Variants in CDH4 observed in about 807,000 individuals in gnomAD.
CDH4 encodes the protein cadherin-4.
In CDH4, 33 loss-of-function variants were observed where a neutral mutation model predicts 86.0. That is an observed-to-expected ratio of 0.38 (90% CI 0.29 to 0.51). The LOEUF is 0.51. CDH4 is among the 20% of genes least tolerant of loss of function. The probability of loss-of-function intolerance (pLI) is 0.86; values close to 1 mark genes in which losing one functional copy is unlikely to be tolerated. For synonymous variants in CDH4, 555 were observed against 549.4 expected, an observed-to-expected ratio of 1.01 and a Z score of -0.14; for missense variants, 1,114 against 1,307.4, an observed-to-expected ratio of 0.85 and a Z score of 2.28.
chr20:61,852,955 A>C, intron 6 of CDH4, 57 bp downstream of exon 6: 1 of 1,561,356 alleles, frequency 6.4e-7, no homozygotes. Flanking sequence ...GGTGCAGCAC[A>C]GGCCCTGAGG....
intron 6 of CDH4, among the ~76,000 whole-genome samples, chr20:61,859,550 A>AT (rs1983223648): frequency 6.6e-6 from 1 of 152,170 alleles, no homozygotes; most frequent in Admixed American, 6.5e-5. Flanking sequence ...TCCATGATTC[A>AT]TTTTGAGTTA....
At position 61,252,613 on chromosome 20, in the gene CDH4, C is replaced by A; in HGVS notation, c.57+43C>A. ...GCCCCCGCCGTTCGGAAGCCCCGGG[C>A]AGCGGGAGGTCGTCCCCGGATCCCG... On this transcript the variant is annotated intron_variant, in intron 1 of 15. Coordinates refer to ENST00000614565, the MANE Select transcript of CDH4 (RefSeq NM_001794.5). This position sits in a 1 kb window ranked among gnomAD's most constrained non-coding sequence, Gnocchi z 4.4. 8.6e-7 allele frequency: 1 copy of A among 1,161,270 alleles called. No homozygotes were observed. The allele number at this position is 1,161,270 out of a possible 1,614,324, so 71.9% of individuals were successfully genotyped here.
At chr20:61,395,592 C>A (rs570499687) in intron 2 of CDH4, among the ~76,000 whole-genome samples, 13 of 152,074 alleles carry the variant, frequency 8.5e-5, no homozygotes, top group Admixed American at 3.9e-4. Flanking sequence ...CCAGCCTGGG[C>A]AACATGGTGA....
In CDH4 at chr20:61,751,688, A is replaced by G. The variant is rs1356630551; in HGVS notation, c.396+7899A>G. 2.6e-5 allele frequency among the ~76,000 whole-genome samples: 4 copies of G among 152,354 alleles called. No homozygotes were observed. The East Asian group carries it at 7.7e-4, about 29-fold the overall frequency. ...TTAAATGGTTCCATTTTAAAGGGTT[A>G]TGTAAGTACCTATACGATGTCCTCA... On this transcript the variant is annotated intron_variant, in intron 3 of 15. Coordinates refer to ENST00000614565, the MANE Select transcript of CDH4 (RefSeq NM_001794.5).
At chr20:61,887,920 A>G (rs1473242128) in intron 7 of CDH4, among the ~76,000 whole-genome samples, 3 of 152,196 alleles carry the variant, frequency 2.0e-5, no homozygotes, top group African/African-American at 7.2e-5. Context: ...GGGCCGGTGC[A>G]GGCAGGCAGT....
intron 2 of CDH4, among the ~76,000 whole-genome samples, chr20:61,426,821 T>C (rs1013989323): frequency 2.0e-5 from 3 of 152,224 alleles, no homozygotes; most frequent in Admixed American, 1.3e-4. Context: ...GTAGGGTATA[T>C]GCAGAAGTGT....
rs182270148 is a variant in CDH4, at chr20:61,531,755, G to A, written c.170-211808G>A. Among the ~76,000 whole-genome samples the A allele has an allele frequency of 1.4e-3, 212 of 152,332 alleles. 1 individual carries two copies. The highest frequency in any genetic ancestry group is 2.6e-3 in the Non-Finnish European group (179 of 68,040). On this transcript the variant is annotated intron_variant, in intron 2 of 15. Transcript: ENST00000614565. The stretch of plus-strand genomic sequence containing the variant: ...CACGGATTGGCTTTGAGATGAGGCC[G>A]GGATGAGTCATCAGCCTGACGCACA...
intron 4 of CDH4, among the ~76,000 whole-genome samples, chr20:61,814,934 G>A (rs755887058): frequency 5.9e-5 from 9 of 152,106 alleles, no homozygotes; most frequent in Admixed American, 2.0e-4. Context: ...TCCGCTCCCC[G>A]GCTCTGCAAA....
At chr20:61,325,123 A>G (rs567392660) in intron 2 of CDH4, among the ~76,000 whole-genome samples, 1 of 152,170 alleles carries the variant, frequency 6.6e-6, no homozygotes, top group East Asian at 1.9e-4. Flanking sequence ...GGAACACATC[A>G]TGTACATCTC....
chr20:61,484,619 G>A (rs923564951), intron 2 of CDH4, among the ~76,000 whole-genome samples: 8 of 152,230 alleles, frequency 5.3e-5, no homozygotes, highest in Admixed American at 1.3e-4. Context: ...CGTGGACCAC[G>A]TTTGGGTGGC....
chr20:61,849,942 C>T (rs1982637868), intron 5 of CDH4, among the ~76,000 whole-genome samples: 1 of 152,182 alleles, frequency 6.6e-6, no homozygotes, highest in Admixed American at 6.5e-5. Context: ...TTTTTCCTAC[C>T]TCCCCAGTGT....
intron 3 of CDH4, among the ~76,000 whole-genome samples, chr20:61,761,483 C>T (rs1453499308): frequency 6.6e-6 from 1 of 152,170 alleles, no homozygotes. Context: ...GACTCTAAGA[C>T]GTGGTGTGTG....
intron 3 of CDH4, among the ~76,000 whole-genome samples, chr20:61,744,338 GAGAC>G (rs1175657323): frequency 1.3e-5 from 2 of 151,576 alleles, no homozygotes; most frequent in Non-Finnish European, 2.9e-5. Flanking sequence ...GAGGTGGAGA[GAGAC>G]AGGAAAGGAG....
intron 2 of CDH4, among the ~76,000 whole-genome samples, chr20:61,409,839 A>G (rs963674311): frequency 2.4e-4 from 37 of 151,968 alleles, no homozygotes; most frequent in Non-Finnish European, 4.7e-4. Flanking sequence ...ATGCTTCAGA[A>G]GCTCATCATC....
chr20:61,392,781 C>T lies in CDH4; in HGVS notation c.169+137844C>T, dbSNP rs1320326279. Among the ~76,000 whole-genome samples the T allele has an allele frequency of 2.0e-5, 3 of 152,176 alleles. No individual in the cohort carries two copies. Among genetic ancestry groups the T allele is most frequent in the African/African-American group, 7.2e-5 (3 of 41,450 alleles). The stretch of plus-strand genomic sequence containing the variant: ...AAACTCGGTATTGCACATTTATTTC[C>T]TAGCGGGGTAGAAACACTGGCCCCC... On this transcript the variant is annotated intron_variant, in intron 2 of 15. Transcript: ENST00000614565. This position sits in a 1 kb window ranked among gnomAD's most constrained non-coding sequence, Gnocchi z 5.7.
At chr20:61,600,881 C>T (rs1486699047) in intron 2 of CDH4, among the ~76,000 whole-genome samples, 4 of 152,078 alleles carry the variant, frequency 2.6e-5, no homozygotes, top group Non-Finnish European at 5.9e-5. Context: ...GTGCAGAACC[C>T]GCGGGTGTGG....
intron 4 of CDH4, among the ~76,000 whole-genome samples, chr20:61,840,395 G>T (rs926586836): frequency 1.3e-5 from 2 of 152,320 alleles, no homozygotes; most frequent in Admixed American, 1.3e-4. Context: ...CCAGTTTCAA[G>T]TTCATTTGAA....
intron 4 of CDH4, among the ~76,000 whole-genome samples, chr20:61,780,849 A>C (rs1978501829): frequency 6.6e-6 from 1 of 152,196 alleles, no homozygotes; most frequent in African/African-American, 2.4e-5. Context: ...GGGTGAGTGG[A>C]TCTCAGGCAG....
At chr20:61,923,156 G>A (rs2055001681) in intron 9 of CDH4, among the ~76,000 whole-genome samples, 1 of 152,200 alleles carries the variant, frequency 6.6e-6, no homozygotes, top group Non-Finnish European at 1.5e-5. Flanking sequence ...CGCCCAGCGG[G>A]GGCTGCAGCC....
Sources: allele counts gnomAD v4.1 joint callset (sites outside exome capture counted in the v4.1 genomes callset), GRCh38; gene constraint gnomAD v4.1.1; non-coding constraint Gnocchi (gnomAD v3.1); transcripts MANE v1.5; gene names NCBI Gene and HGNC (gene_info 2026-07-23, HGNC 2026-07-21).